The following KIF7 variants were observed in gnomAD, a reference collection of about 807,000 sequenced individuals.
The protein encoded by KIF7 is kinesin family member 7, also known as kinesin-like protein KIF7.
In KIF7, 104 loss-of-function variants were observed where a neutral mutation model predicts 135.7. The observed-to-expected ratio is 0.77, with a 90% CI of 0.65 to 0.90. The LOEUF is 0.90. Ranked by LOEUF, KIF7 falls within the 40% of genes least tolerant of loss-of-function variation. KIF7 has a pLI of 0.00. For missense variants in KIF7, 2,005 were observed against 1,839.1 expected, an observed-to-expected ratio of 1.09 and a Z score of -1.65; for synonymous variants, 883 against 809.4, an observed-to-expected ratio of 1.09 and a Z score of -1.54.
At chr15:89,652,155 C>T (rs970859379) in intron 2 of KIF7, among the ~76,000 whole-genome samples, 2 of 152,124 alleles carry the variant, frequency 1.3e-5, no homozygotes, top group Non-Finnish European at 2.9e-5. Context: ...GGATCTTTCT[C>T]GAAACTGCTC....
chr15:89,626,970 G>A, downstream of KIF7: 1 of 1,614,098 alleles, frequency 6.2e-7, no homozygotes, highest in Non-Finnish European at 8.5e-7. Context: ...GGATGTGGAT[G>A]TTCTTCCCTC....
chr15:89,634,374 G>A (rs1028744355), intron 11 of KIF7, among the ~76,000 whole-genome samples: 11 of 152,218 alleles, frequency 7.2e-5, no homozygotes, highest in Non-Finnish European at 1.3e-4. Context: ...CAGCGTGAGT[G>A]ACGCAGAAGA....
Position 89,630,269 on chromosome 15 carries a change from C to T in KIF7, c.3318+18G>A. The T allele has an allele frequency of 6.2e-7, 1 of 1,612,326 alleles. No individual in the cohort carries two copies. Among genetic ancestry groups the T allele is most frequent in the Non-Finnish European group, 8.5e-7 (1 of 1,178,592 alleles). ...TGCCGCTGAGGAGGAGCTGGGGGGCCATGGGCTGCTGGCCCACCTTGTCAA... is the reference window on the plus strand; with the variant it reads ...TGCCGCTGAGGAGGAGCTGGGGGGCTATGGGCTGCTGGCCCACCTTGTCAA... On this transcript the variant is annotated intron_variant, in intron 16 of 18. Coordinates refer to ENST00000394412, the MANE Select transcript of KIF7 (RefSeq NM_198525.3).
chr15:89,659,142 T>C (rs181835584), upstream of KIF7, among the ~76,000 whole-genome samples: 35 of 152,066 alleles, frequency 2.3e-4, no homozygotes, highest in African/African-American at 8.0e-4. Flanking sequence ...AGAAAGAGAA[T>C]GAAAACAAAA....
At chr15:89,640,522 T>G (rs1432722777) in intron 11 of KIF7, among the ~76,000 whole-genome samples, 2 of 152,072 alleles carry the variant, frequency 1.3e-5, no homozygotes. Context: ...AGAACTGGGA[T>G]TCAAACCTGA....
intron 10 of KIF7, among the ~76,000 whole-genome samples, chr15:89,643,091 G>C (rs1963951796): frequency 2.0e-5 from 3 of 152,020 alleles, no homozygotes; most frequent in African/African-American, 7.3e-5. Flanking sequence ...CGTGGGGTTT[G>C]GGACATTCAG....
intron 18 of KIF7, 93 bp downstream of exon 18, chr15:89,628,882 GA>G: frequency 6.2e-7 from 1 of 1,610,454 alleles, no homozygotes; most frequent in Non-Finnish European, 8.5e-7. Flanking sequence ...AGCAACCTGT[GA>G]ATTGAGCCAA....
At chr15:89,645,643 A>G (rs1963998530) in intron 8 of KIF7, among the ~76,000 whole-genome samples, 192 bp from the exon 9 acceptor site, 1 of 152,124 alleles carries the variant, frequency 6.6e-6, no homozygotes, top group South Asian at 2.1e-4. Flanking sequence ...AGCTGGGGGC[A>G]TAGAGGGCCA....
At chr15:89,632,300 T>C (rs1293695034) in intron 14 of KIF7, among the ~76,000 whole-genome samples, 2 of 152,178 alleles carry the variant, frequency 1.3e-5, no homozygotes, top group Admixed American at 6.5e-5. Flanking sequence ...TATGATCCCA[T>C]CTGACAGAAG....
At chr15:89,619,609 T>G in intron 1 of KIF7, 1 of 1,252,048 alleles carries the variant, frequency 8.0e-7, no homozygotes, top group East Asian at 2.3e-5. Flanking sequence ...TTCCATCTTA[T>G]ATGTGGTACT....
At position 89,628,323 on chromosome 15, in the gene KIF7, G is replaced by A. The variant is rs1448300561; in HGVS notation, c.*96C>T. ...ACAGATGAGGGCCTGGATTTAGGGT[G>A]TGCGGTAAGGACTGCCCTTCACAGA... On this transcript the variant is annotated 3_prime_UTR_variant, in exon 19 of 19. Coordinates refer to ENST00000394412, the MANE Select transcript of KIF7 (RefSeq NM_198525.3). The A allele has an allele frequency of 3.4e-6, 5 of 1,464,584 alleles. No homozygotes were observed. The highest frequency in any genetic ancestry group is 1.4e-5 in the South Asian group (1 of 73,784). 90.7% of individuals were successfully genotyped at this position (1,464,584 alleles called of 1,614,324 possible). A position where few individuals can be genotyped will look rare whatever the true frequency, so the allele number is the denominator to read the frequency against.
chr15:89,632,806 T>C lies in KIF7; in HGVS notation c.2895+14A>G, dbSNP rs1043554942. 2 of 1,599,992 alleles carry C rather than the reference T, an allele frequency of 1.3e-6. No homozygotes were observed. The highest frequency in any genetic ancestry group is 8.5e-7 in the Non-Finnish European group (1 of 1,178,370). ...GGACCTCACCTGGCAGGATCTCTCC[T>C]GGCAGGGCCTCACCTGGCTGGATCT... On this transcript the variant is annotated intron_variant, in intron 14 of 18. Coordinates refer to ENST00000394412, the MANE Select transcript of KIF7 (RefSeq NM_198525.3).
In KIF7 at chr15:89,647,068, T is replaced by A; in HGVS notation, c.1561-11A>T. The A allele has an allele frequency of 6.4e-7, 1 of 1,568,068 alleles. No individual in the cohort carries two copies. Among genetic ancestry groups the A allele is most frequent in the Non-Finnish European group, 8.6e-7 (1 of 1,159,612 alleles). Reference sequence around the variant, plus strand: ...ACGCAGCCGGTCGCTCTGCAAGACATGGTCCAGGTGCCAAGGGGGCATGAA... The same window carrying A: ...ACGCAGCCGGTCGCTCTGCAAGACAAGGTCCAGGTGCCAAGGGGGCATGAA... On this transcript the variant is annotated splice_polypyrimidine_tract_variant and intron_variant, in intron 6 of 18. Transcript: ENST00000394412.
chr15:89,652,090 G>C (rs947189597), intron 2 of KIF7, among the ~76,000 whole-genome samples: 2 of 152,180 alleles, frequency 1.3e-5, no homozygotes, highest in African/African-American at 2.4e-5. Flanking sequence ...GCAGTAACCC[G>C]ACAGAAAACA....
chr15:89,630,540 G>C (rs1427283929), intron 15 of KIF7, 47 bp from the exon 16 acceptor site: 1 of 1,466,822 alleles, frequency 6.8e-7, no homozygotes, highest in Middle Eastern at 2.3e-4. Context: ...CTGCCTGAAT[G>C]CTGAAGTCCT....
chr15:89,619,563 C>T lies in KIF7; in HGVS notation c.181-1368G>A, dbSNP rs1387147591. 24 of 797,618 alleles carry T rather than the reference C, an allele frequency of 3.0e-5. No homozygotes were observed. In the South Asian group the frequency reaches 4.1e-4, roughly 14 times the overall value. The allele number at this position is 797,618 out of a possible 1,614,324, so 49.4% of individuals were successfully genotyped here. On this transcript the variant is annotated intron_variant and NMD_transcript_variant, in intron 1 of 2. Transcript: ENST00000558928. ...ACCCCTCTTAGTTTGTTAAGAGACA[C>T]TTCAGAAGTCTCTTAAAGCTAATAG...
In KIF7 at chr15:89,633,739, CCGTCTCCT is replaced by C. The variant is rs766096285; in HGVS notation, c.2531_2538del (p.Glu844GlyfsTer25). The C allele has an allele frequency of 3.7e-6, 6 of 1,609,366 alleles. No homozygotes were observed. In the East Asian group the frequency reaches 1.3e-4, roughly 36 times the overall value. ...TCTGCCTCCAGGCGCCGCTTCTGCTCCGTCTCCTCGCGAAGCCGCCTCTGCAGCTGTCC... is the reference window on the plus strand; with the variant it reads ...TCTGCCTCCAGGCGCCGCTTCTGCTCCGCGAAGCCGCCTCTGCAGCTGTCC... On this transcript the variant is annotated frameshift_variant, in exon 12 of 19. Coordinates refer to ENST00000394412, the MANE Select transcript of KIF7 (RefSeq NM_198525.3). LOFTEE classifies it high-confidence loss of function.
chr15:89,651,755 G>A (rs1450883018), intron 2 of KIF7, among the ~76,000 whole-genome samples: 1 of 152,118 alleles, frequency 6.6e-6, no homozygotes, highest in Non-Finnish European at 1.5e-5. Flanking sequence ...AACTGCTATG[G>A]TCTGAATTTG....
At chr15:89,631,001 G>T (rs780156605) in intron 15 of KIF7, 103 of 227,898 alleles carry the variant, frequency 4.5e-4, no homozygotes, top group Non-Finnish European at 8.7e-4. Flanking sequence ...GTGAGTATTT[G>T]TGTATCTAAA....
Sources: gnomAD v4.1 joint callset for allele counts (sites outside exome capture counted in the v4.1 genomes callset) on GRCh38, gnomAD v4.1.1 for gene constraint, MANE v1.5 for transcripts, NCBI Gene and HGNC (gene_info 2026-07-23, HGNC 2026-07-21) for gene names.